PPP4R2: variants seen among roughly 807,000 people sequenced by gnomAD.
PPP4R2 encodes the protein protein phosphatase 4 regulatory subunit 2.
In PPP4R2, 13 loss-of-function variants were observed where a neutral mutation model predicts 47.2. The ratio of observed to expected loss-of-function variants is 0.28; its 90% CI spans 0.18 to 0.44. The LOEUF (loss-of-function observed/expected upper bound fraction) is 0.44. Among genes scored for constraint, PPP4R2 ranks in the 20% least tolerant of loss-of-function variants. PPP4R2 has a pLI of 1.00. For missense variants in PPP4R2, 421 were observed against 491.2 expected, an observed-to-expected ratio of 0.86 and a Z score of 1.35; for synonymous variants, 151 against 163.3, an observed-to-expected ratio of 0.92 and a Z score of 0.57.
chr3:73,043,368 G>A (rs963699110), intron 2 of PPP4R2, among the ~76,000 whole-genome samples: 3 of 152,102 alleles, frequency 2.0e-5, no homozygotes, highest in Non-Finnish European at 4.4e-5. Context: ...ATAGGGAAAG[G>A]TGGAAAAAAC....
intron 2 of PPP4R2, 130 bp downstream of exon 2, chr3:72,998,288 ATAAT>A: frequency 1.7e-6 from 1 of 575,242 alleles, no homozygotes; most frequent in Non-Finnish European, 3.0e-6. Context: ...GGTCATTTAA[ATAAT>A]TTATATATTT....
chr3:73,032,084 T>C (rs1050231367), intron 2 of PPP4R2, among the ~76,000 whole-genome samples: 2 of 152,214 alleles, frequency 1.3e-5, no homozygotes, highest in Admixed American at 6.5e-5. Context: ...CACCTGACTC[T>C]TTTTAAATTG....
Position 73,052,240 on chromosome 3 carries a change from TC to T in PPP4R2, c.287+4885del, listed in dbSNP as rs1022869971. Among the ~76,000 whole-genome samples, 57 of 114,972 alleles carry T rather than the reference TC, an allele frequency of 5.0e-4. 3 individuals are homozygous for T. The South Asian group carries it at 0.015, about 30-fold the overall frequency. The allele number at this position is 114,972 out of a possible 152,430, so 75.4% of individuals were successfully genotyped here. A position where few individuals can be genotyped will look rare whatever the true frequency, so the allele number is the denominator to read the frequency against. ...ATCACAATGGAATGCTTAATTTCTT[TC>T]TTTTCTTTTTTTTTTTGGTCATTTT... On this transcript the variant is annotated intron_variant, in intron 3 of 8. Coordinates refer to ENST00000356692, the MANE Select transcript of PPP4R2 (RefSeq NM_174907.4).
At chr3:73,032,014 A>G (rs1702174148) in intron 2 of PPP4R2, among the ~76,000 whole-genome samples, 1 of 152,232 alleles carries the variant, frequency 6.6e-6, no homozygotes, top group South Asian at 2.1e-4. Context: ...TATCTGCCTT[A>G]GGCCCTACAA....
At chr3:73,035,790 T>C (rs1392739070) in intron 2 of PPP4R2, among the ~76,000 whole-genome samples, 3 of 152,046 alleles carry the variant, frequency 2.0e-5, no homozygotes, top group Non-Finnish European at 4.4e-5. Flanking sequence ...AACGCCTGGC[T>C]AATTTTTATA....
chr3:73,009,952 C>G (rs965726368), intron 2 of PPP4R2, among the ~76,000 whole-genome samples: 1 of 152,176 alleles, frequency 6.6e-6, no homozygotes, highest in African/African-American at 2.4e-5. Context: ...TTTTGCATTG[C>G]TTGTAATACA....
chr3:73,063,686 A>T lies in PPP4R2; in HGVS notation c.433A>T (p.Asn145Tyr). Reference sequence around the variant, plus strand: ...CTTTTCTTATAGGAAAAACAATTCCAATAGTTTAAATCGAATGAATGGTGT... The same window carrying T: ...CTTTTCTTATAGGAAAAACAATTCCTATAGTTTAAATCGAATGAATGGTGT... ...VYPSSEKNNS[N>Y]SLNRMNGVMF... The change falls in exon 6 of 9, where the codon AAT (asparagine) becomes TAT (tyrosine). Residue 145 changes from asparagine to tyrosine, a missense_variant. Coordinates refer to ENST00000356692, the MANE Select transcript of PPP4R2 (RefSeq NM_174907.4). 5 of 1,586,446 alleles carry T rather than the reference A, an allele frequency of 3.2e-6. No individual in the cohort carries two copies. Among genetic ancestry groups the T allele is most frequent in the Non-Finnish European group, 4.3e-6 (5 of 1,155,180 alleles).
chr3:73,066,713 C>T lies in PPP4R2; in HGVS notation c.*991C>T, dbSNP rs1703003605. ...TCTTTCTAAATTATTCTAGGGTATG[C>T]AAATGTCAATGGTATGAAACACCAC... On this transcript the variant is annotated 3_prime_UTR_variant, in exon 9 of 9. Transcript: ENST00000356692. 1 of 151,896 alleles carries T rather than the reference C, an allele frequency of 6.6e-6. No homozygotes were observed. The highest frequency in any genetic ancestry group is 2.1e-4 in the South Asian group (1 of 4,820). The allele number at this position is 151,896 out of a possible 1,614,324, so 9.4% of individuals were successfully genotyped here.
intron 2 of PPP4R2, among the ~76,000 whole-genome samples, chr3:73,018,421 A>ATGT (rs1339962449): frequency 1.0e-5 from 1 of 95,958 alleles, no homozygotes; most frequent in African/African-American, 4.6e-5. Context: ...ATGTTATGTT[A>ATGT]TGTTATGTTA....
intron 2 of PPP4R2, among the ~76,000 whole-genome samples, chr3:73,024,052 AAAAAT>A (rs1206971843): frequency 6.6e-6 from 1 of 152,116 alleles, no homozygotes; most frequent in African/African-American, 2.4e-5. Context: ...AGCTTATATT[AAAAAT>A]AAAATAGATT....
intron 2 of PPP4R2, among the ~76,000 whole-genome samples, chr3:73,029,789 G>A (rs762519443): frequency 3.9e-5 from 6 of 152,208 alleles, no homozygotes; most frequent in Non-Finnish European, 7.3e-5. Context: ...GCATTAAGCA[G>A]TTTGGGAAAC....
At chr3:73,008,276 TAG>T (rs1701653907) in intron 2 of PPP4R2, among the ~76,000 whole-genome samples, 5 of 152,252 alleles carry the variant, frequency 3.3e-5, no homozygotes, top group Admixed American at 1.3e-4. Context: ...ATAAGTTGAA[TAG>T]ATGCCCTTTT....
chr3:72,996,752 G>T (rs988700814), upstream of PPP4R2: 1 of 314,074 alleles, frequency 3.2e-6, no homozygotes, highest in Non-Finnish European at 5.8e-6. Context: ...CGGGTTCCGG[G>T]CCGGAGCGCG....
intron 2 of PPP4R2, among the ~76,000 whole-genome samples, chr3:73,034,961 A>G (rs1432534252): frequency 2.0e-5 from 3 of 152,214 alleles, no homozygotes; most frequent in Non-Finnish European, 4.4e-5. Flanking sequence ...ACATCAAGCT[A>G]AAAAGCTTCC....
At chr3:73,043,026 A>G (rs1015293246) in intron 2 of PPP4R2, among the ~76,000 whole-genome samples, 2 of 152,116 alleles carry the variant, frequency 1.3e-5, no homozygotes, top group African/African-American at 4.8e-5. Context: ...GTCATGTCAG[A>G]TGGTTAATGG....
chr3:73,062,982 C>A, intron 5 of PPP4R2: 1 of 1,193,908 alleles, frequency 8.4e-7, no homozygotes, highest in Non-Finnish European at 1.2e-6. Flanking sequence ...CATTGCTCTA[C>A]GGGCCATTGT....
chr3:73,028,286 T>TA (rs1441425410), intron 2 of PPP4R2, among the ~76,000 whole-genome samples: 9 of 150,402 alleles, frequency 6.0e-5, no homozygotes, highest in Non-Finnish European at 7.4e-5. Context: ...GACGGGGTCT[T>TA]ACTCAGCCTC....
In PPP4R2 at chr3:73,052,605, G is replaced by A. The variant is rs189967908; in HGVS notation, c.287+5249G>A. Among the ~76,000 whole-genome samples the A allele has an allele frequency of 1.3e-5, 2 of 152,194 alleles. 1 individual carries two copies. The highest frequency in any genetic ancestry group is 3.9e-4 in the East Asian group (2 of 5,184). On this transcript the variant is annotated intron_variant, in intron 3 of 8. Transcript: ENST00000356692. ...CATTTTGTTGAGGGATAGAGAGCAT[G>A]TAAGTTACATTCCTGGCAGTTTTAA... is the stretch of plus-strand genomic sequence containing the variant.
intron 2 of PPP4R2, among the ~76,000 whole-genome samples, chr3:73,013,649 T>G (rs1267056571): frequency 6.6e-6 from 1 of 150,730 alleles, no homozygotes; most frequent in Non-Finnish European, 1.5e-5. Flanking sequence ...TCTTTTTCTT[T>G]TTTTTTTTTG....
Sources: allele counts gnomAD v4.1 joint callset (sites outside exome capture counted in the v4.1 genomes callset), GRCh38; gene constraint gnomAD v4.1.1; transcripts MANE v1.5; gene names NCBI Gene and HGNC (gene_info 2026-07-23, HGNC 2026-07-21).